SHARPIN: variants seen among roughly 807,000 people sequenced by gnomAD.
SHARPIN encodes SHANK associated RH domain interactor.
SHARPIN carries 25 observed loss-of-function variants against 40.3 expected under a neutral mutation model. That is an observed-to-expected ratio of 0.62 (90% CI 0.45 to 0.87). The LOEUF is 0.87. Among genes scored for constraint, SHARPIN ranks in the 40% least tolerant of loss-of-function variants. The pLI, the probability that SHARPIN is intolerant of heterozygous loss-of-function variation, is 0.00. For missense variants in SHARPIN, 551 were observed against 516.1 expected (o/e 1.07, Z -0.66); for synonymous variants, 274 against 221.8 (o/e 1.24, Z -2.09).
chr8:144,102,945 C>G (rs1466477093), intron 2 of SHARPIN, 106 bp downstream of exon 2: 9 of 1,432,316 alleles, frequency 6.3e-6, no homozygotes, highest in Non-Finnish European at 8.8e-6. Flanking sequence ...TCCTGGAAGC[C>G]TTCCCAGACA....
intron 7 of SHARPIN, 32 bp from the exon 8 acceptor site, chr8:144,099,026 G>C: frequency 6.3e-7 from 1 of 1,594,034 alleles, no homozygotes; most frequent in Non-Finnish European, 8.5e-7. Flanking sequence ...TTGCTTCCCT[G>C]CTCTTTCCAA....
Position 144,103,044 on chromosome 8 carries a change from C to T in SHARPIN, c.376+7G>A. On this transcript the variant is annotated splice_region_variant and intron_variant, in intron 2 of 8. Coordinates refer to ENST00000398712, the MANE Select transcript of SHARPIN (RefSeq NM_030974.4). ...AATTGTAATTGTATCCATTACAGGGCACTGACCATTCTGTCCTTCCACGGT... is the reference window on the plus strand; with the variant it reads ...AATTGTAATTGTATCCATTACAGGGTACTGACCATTCTGTCCTTCCACGGT... 1 of 1,613,240 alleles carries T rather than the reference C, an allele frequency of 6.2e-7. No homozygotes were observed. Among genetic ancestry groups the T allele is most frequent in the Non-Finnish European group, 8.5e-7 (1 of 1,179,872 alleles).
chr8:144,098,854 CACCTCTGGT>C lies in SHARPIN; in HGVS notation c.*12+3_*12+11del. On this transcript the variant is annotated splice_donor_5th_base_variant and intron_variant, in intron 8 of 8. Coordinates refer to ENST00000398712, the MANE Select transcript of SHARPIN (RefSeq NM_030974.4). Reference sequence around the variant, plus strand: ...TGCCCCCCACCTCCCCTGCCTGTGCCACCTCTGGTACCTCTGGTGGCTGCTAGGTGGAAG... The same window carrying C: ...TGCCCCCCACCTCCCCTGCCTGTGCCACCTCTGGTGGCTGCTAGGTGGAAG... 43 of 1,550,460 alleles carry C rather than the reference CACCTCTGGT, an allele frequency of 2.8e-5. No individual in the cohort carries two copies. The highest frequency in any genetic ancestry group is 5.6e-5 in the African/African-American group (4 of 71,720).
intron 2 of SHARPIN, among the ~76,000 whole-genome samples, chr8:144,102,211 G>A (rs2129994822): frequency 6.6e-6 from 1 of 151,912 alleles, no homozygotes; most frequent in East Asian, 1.9e-4. Flanking sequence ...GTCTGGGTGA[G>A]AGAGGGAGTC....
Position 144,098,926 on chromosome 8 carries a change from G to A in SHARPIN, c.1116C>T (p.Ser372=). ...GGTCCCAAGTGCAGGGCCTCTGGGT[G>A]CTACACATCTCACAGCCAGGGCGGT... is the stretch of plus-strand genomic sequence containing the variant. ...APDRPGCEMC[S]TQRPCTWDPL... The change falls in exon 8 of 9, where the codon AGC becomes AGT. Residue 372 remains serine, a synonymous_variant. Coordinates refer to ENST00000398712, the MANE Select transcript of SHARPIN (RefSeq NM_030974.4). 1 of 1,594,960 alleles carries A rather than the reference G, an allele frequency of 6.3e-7. No homozygotes were observed. The highest frequency in any genetic ancestry group is 1.1e-5 in the South Asian group (1 of 88,010).
Position 144,100,022 on chromosome 8 carries a change from CAG to C in SHARPIN, c.422_423del (p.Pro141ArgfsTer18), listed in dbSNP as rs764352218. 21 of 1,600,022 alleles carry C rather than the reference CAG, an allele frequency of 1.3e-5. No individual in the cohort carries two copies. In the East Asian group the frequency reaches 3.6e-4, roughly 27 times the overall value. ...SPPALGPEAC[P>X]VSLPSPPEAS... ...GCTTCCGGGGGACTGGGCAGGGAGA[CAG>C]GGCATGCTTCTGGGCCCAAGGCTGG... On this transcript the variant is annotated frameshift_variant, in exon 3 of 9. Coordinates refer to ENST00000398712, the MANE Select transcript of SHARPIN (RefSeq NM_030974.4). LOFTEE classifies it high-confidence loss of function.
chr8:144,099,792 C>T lies in SHARPIN; in HGVS notation c.570G>A (p.Gly190=). 6.2e-7 allele frequency: 1 copy of T among 1,612,924 alleles called. No individual in the cohort carries two copies. The highest frequency in any genetic ancestry group is 1.1e-5 in the South Asian group (1 of 91,084). ...ARAIAGGDEK[G]AAQVAAVLAQ... ...CCAGGACGGCTGCCACTTGGGCTGC[C>T]CCCTTCTCGTCTCCACCTGCAATAG... is the stretch of plus-strand genomic sequence containing the variant. Residue 190 remains glycine, a synonymous_variant, in exon 4 of 9, where the codon GGG becomes GGA. Transcript: ENST00000398712.
At chr8:144,100,154 C>G (rs1239971524) in intron 2 of SHARPIN, 85 bp from the exon 3 acceptor site, 5 of 1,486,486 alleles carry the variant, frequency 3.4e-6, no homozygotes, top group Non-Finnish European at 4.5e-6. Context: ...TGCCTTCTCC[C>G]TCACCTCAGT....
chr8:144,099,163 TC>T lies in SHARPIN; in HGVS notation c.964del (p.Glu322AsnfsTer90), dbSNP rs1314472979. ...TGATGGGGGAAACAAGCGTCCAAGT[TC>T]CCCGTCCATCTTCTGGGGGTGCTGA... is the stretch of plus-strand genomic sequence containing the variant. ...SPQHPQKMDG[E>X]LGRLFPPSLG... On this transcript the variant is annotated frameshift_variant, in exon 7 of 9. Coordinates refer to ENST00000398712, the MANE Select transcript of SHARPIN (RefSeq NM_030974.4). LOFTEE classifies it high-confidence loss of function. 2 of 1,590,122 alleles carry T rather than the reference TC, an allele frequency of 1.3e-6. No homozygotes were observed. The highest frequency in any genetic ancestry group is 1.7e-6 in the Non-Finnish European group (2 of 1,169,690).
rs58173496 is a variant in SHARPIN, at chr8:144,101,575, ATTTT to A, written c.376+1472_376+1475del. On this transcript the variant is annotated intron_variant, in intron 2 of 8. Coordinates refer to ENST00000398712, the MANE Select transcript of SHARPIN (RefSeq NM_030974.4). ...AGGTCCCCACCACCACACCCAGCTAATTTTTTTTTTTTTTTTTTTTTTTTAGTAG... is the reference window on the plus strand; with the variant it reads ...AGGTCCCCACCACCACACCCAGCTAATTTTTTTTTTTTTTTTTTTTAGTAG... Among the ~76,000 whole-genome samples the A allele has an allele frequency of 2.3e-3, 199 of 87,524 alleles. 2 individuals are homozygous for A. Among genetic ancestry groups the A allele is most frequent in the African/African-American group, 7.8e-3 (181 of 23,218 alleles). 57.4% of individuals were successfully genotyped at this position (87,524 alleles called of 152,430 possible).
chr8:144,099,498 C>T lies in SHARPIN; in HGVS notation c.768+12G>A, dbSNP rs776727779. 1.9e-6 allele frequency: 3 copies of T among 1,612,254 alleles called. No individual in the cohort carries two copies. The highest frequency in any genetic ancestry group is 1.7e-5 in the Admixed American group (1 of 59,900). ...TCTGCCCCTGGCAGGGCTCCCCAGA[C>T]CCTGTGCCCACCTGCTCCTGGAGAG... On this transcript the variant is annotated intron_variant, in intron 5 of 8. Transcript: ENST00000398712.
Position 144,098,778 on chromosome 8 carries a change from C to A in SHARPIN, c.*23G>T. 1 of 910,688 alleles carries A rather than the reference C, an allele frequency of 1.1e-6. No homozygotes were observed. Among genetic ancestry groups the A allele is most frequent in the Non-Finnish European group, 1.6e-6 (1 of 608,962 alleles). The allele number at this position is 910,688 out of a possible 1,614,324, so 56.4% of individuals were successfully genotyped here. A position where few individuals can be genotyped will look rare whatever the true frequency, so the allele number is the denominator to read the frequency against. ...GGACTTGTGAGGGAAGGGCCACTCTCCCCTTGTAACCTGTGGGGGAGGAGC... is the reference window on the plus strand; with the variant it reads ...GGACTTGTGAGGGAAGGGCCACTCTACCCTTGTAACCTGTGGGGGAGGAGC... On this transcript the variant is annotated 3_prime_UTR_variant, in exon 9 of 9. Transcript: ENST00000398712.
At chr8:144,102,012 T>C (rs1836296775) in intron 2 of SHARPIN, among the ~76,000 whole-genome samples, 2 of 152,336 alleles carry the variant, frequency 1.3e-5, no homozygotes, top group East Asian at 1.9e-4. Context: ...CTGCCCTCTA[T>C]CTGGGAGCCC....
chr8:144,101,469 T>G (rs1836285967), intron 2 of SHARPIN, among the ~76,000 whole-genome samples: 2 of 140,878 alleles, frequency 1.4e-5, no homozygotes, highest in Admixed American at 1.6e-4. Flanking sequence ...AGTGCAGTGG[T>G]GCAATCTCGG....
At position 144,099,636 on chromosome 8, in the gene SHARPIN, T is replaced by C. The variant is rs1836245607; in HGVS notation, c.660-18A>G. The C allele has an allele frequency of 1.2e-6, 2 of 1,613,484 alleles. No homozygotes were observed. On this transcript the variant is annotated intron_variant, in intron 4 of 8. Transcript: ENST00000398712. The stretch of plus-strand genomic sequence containing the variant: ...CCTGCAGCCTGTGCCAGAATGTGGG[T>C]TCAGGGATGGATGGGGGACCTGGGA...
chr8:144,103,700 G>C lies in SHARPIN; in HGVS notation c.54C>G (p.Ala18=), dbSNP rs982657639. Residue 18 remains alanine, a synonymous_variant, in exon 1 of 9, where the codon GCC becomes GCG. Coordinates refer to ENST00000398712, the MANE Select transcript of SHARPIN (RefSeq NM_030974.4). ...AAAAASDLGS[A]AVLLAVHAAV... ...CGGCGTGCACAGCCAAGAGCACTGC[G>C]GCGGAGCCCAAGTCCGAGGCCGCCG... 83 of 1,479,530 alleles carry C rather than the reference G, an allele frequency of 5.6e-5. 1 individual carries two copies. The African/African-American group carries it at 1.0e-3, about 19-fold the overall frequency. 91.7% of individuals were successfully genotyped at this position (1,479,530 alleles called of 1,614,324 possible).
intron 1 of SHARPIN, 53 bp from the exon 2 acceptor site, chr8:144,103,278 G>A: frequency 2.0e-6 from 3 of 1,530,268 alleles, no homozygotes; most frequent in Non-Finnish European, 1.8e-6. Context: ...TACATCGCAC[G>A]AGGAGCAAAG....
chr8:144,103,189 T>C lies in SHARPIN; in HGVS notation c.238A>G (p.Thr80Ala). The change falls in exon 2 of 9, where the codon ACC (threonine) becomes GCC (alanine). Residue 80 changes from threonine to alanine, a missense_variant. By Grantham distance (58) the Thr-to-Ala change is moderately conservative. Coordinates refer to ENST00000398712, the MANE Select transcript of SHARPIN (RefSeq NM_030974.4). ...LEWPLESVSYTIRGPTQHELQ... is the reference protein window; with the variant it reads ...LEWPLESVSYAIRGPTQHELQ... The stretch of plus-strand genomic sequence containing the variant: ...TCGTGCTGGGTGGGGCCTCGGATGG[T>C]GTAGGAAACTGACTCCAGGGGCCAC... The C allele has an allele frequency of 6.2e-7, 1 of 1,612,440 alleles. No homozygotes were observed. Among genetic ancestry groups the C allele is most frequent in the Non-Finnish European group, 8.5e-7 (1 of 1,179,516 alleles).
chr8:144,098,764 G>T lies in SHARPIN; in HGVS notation c.*37C>A. 1.3e-6 allele frequency: 1 copy of T among 777,874 alleles called. No homozygotes were observed. Among genetic ancestry groups the T allele is most frequent in the Non-Finnish European group, 2.0e-6 (1 of 498,764 alleles). 48.2% of individuals were successfully genotyped at this position (777,874 alleles called of 1,614,324 possible). A position where few individuals can be genotyped will look rare whatever the true frequency, so the allele number is the denominator to read the frequency against. Reference sequence around the variant, plus strand: ...GGCCTGGAGATGTCGGACTTGTGAGGGAAGGGCCACTCTCCCCTTGTAACC... The same window carrying T: ...GGCCTGGAGATGTCGGACTTGTGAGTGAAGGGCCACTCTCCCCTTGTAACC... On this transcript the variant is annotated 3_prime_UTR_variant, in exon 9 of 9. Transcript: ENST00000398712.
Sources: gnomAD v4.1 joint callset for allele counts (sites outside exome capture counted in the v4.1 genomes callset) on GRCh38, gnomAD v4.1.1 for gene constraint, MANE v1.5 for transcripts, NCBI Gene and HGNC (gene_info 2026-07-23, HGNC 2026-07-21) for gene names.